The following LRRC37B variants were observed in gnomAD, a reference collection of about 807,000 sequenced individuals.
LRRC37B encodes leucine-rich repeat-containing protein 37B.
A neutral mutation model predicts 98.3 loss-of-function variants in LRRC37B; 28 were observed. The ratio of observed to expected loss-of-function variants is 0.28; its 90% CI spans 0.21 to 0.39. The LOEUF is 0.39. LRRC37B is among the 10% of genes least tolerant of loss of function. The pLI is 1.00. For missense variants in LRRC37B, 938 were observed against 1,182.7 expected, an observed-to-expected ratio of 0.79 and a Z score of 3.03; for synonymous variants, 364 against 442.7, an observed-to-expected ratio of 0.82 and a Z score of 2.23.
At chr17:32,031,863 G>C (rs1462544144) in intron 5 of LRRC37B, among the ~76,000 whole-genome samples, 1 of 151,962 alleles carries the variant, frequency 6.6e-6, no homozygotes, top group Non-Finnish European at 1.5e-5. Context: ...AAAATTAGCT[G>C]GGCGTAGTGA....
chr17:32,033,663 C>G (rs1295803956), intron 5 of LRRC37B, among the ~76,000 whole-genome samples: 3 of 152,168 alleles, frequency 2.0e-5, no homozygotes, highest in Non-Finnish European at 1.5e-5. Context: ...TAGATGCTCA[C>G]TGTAAGAATT....
At chr17:32,049,505 A>T in intron 10 of LRRC37B, 111 bp downstream of exon 13, 1 of 1,179,094 alleles carries the variant, frequency 8.5e-7, no homozygotes, top group Non-Finnish European at 1.2e-6. Context: ...TGTCTTGGCC[A>T]TGTAACTTTG....
chr17:32,041,224 C>T (rs539253394), intron 7 of LRRC37B: 8 of 771,230 alleles, frequency 1.0e-5, no homozygotes, highest in Admixed American at 1.0e-4. Context: ...CTCGGAGAGC[C>T]TGAGCAGTCC....
intron 7 of LRRC37B, among the ~76,000 whole-genome samples, chr17:32,039,236 C>T (rs1193424447): frequency 6.6e-6 from 1 of 151,276 alleles, no homozygotes; most frequent in Non-Finnish European, 1.5e-5. Context: ...CTCGTTCTCC[C>T]AGAGTGCTGC....
Position 32,046,267 on chromosome 17 carries a change from A to G in LRRC37B, c.2323+449A>G, listed in dbSNP as rs548778963. ...GTTTTTACAGTTTTATAAGAGTAGA[A>G]GTGATGCTGTTTTATTTGAAGCCTG... On this transcript the variant is annotated intron_variant, in intron 8 of 11. Transcript: ENST00000327564. 7.0e-3 allele frequency among the ~76,000 whole-genome samples: 1,069 copies of G among 152,284 alleles called. 2 individuals carry two copies. Among genetic ancestry groups the G allele is most frequent in the African/African-American group, 0.024 (1,015 of 41,528 alleles).
chr17:32,051,818 A>T (rs4037410), intron 11 of LRRC37B: 2 of 152,254 alleles, frequency 1.3e-5, no homozygotes, highest in South Asian at 2.1e-4. Context: ...TCATGTCATG[A>T]ATTCATTTCT....
chr17:32,007,857 C>T, upstream of LRRC37B: 1 of 1,148,242 alleles, frequency 8.7e-7, no homozygotes, highest in Non-Finnish European at 1.1e-6. This position sits in a 1 kb window ranked among gnomAD's most constrained non-coding sequence, Gnocchi z 4.1. Flanking sequence ...CGCGCCGGCA[C>T]CAGCGCACGG....
chr17:32,040,427 G>A, intron 7 of LRRC37B: 1 of 543,366 alleles, frequency 1.8e-6, no homozygotes, highest in Non-Finnish European at 3.5e-6. Context: ...TCTGCGGCGG[G>A]AGGCAGCCTG....
rs1327765991 is a variant in LRRC37B, at chr17:32,021,793, A to G, written c.728A>G (p.Gln243Arg). 5.6e-6 allele frequency: 9 copies of G among 1,614,242 alleles called. No homozygotes were observed. Among genetic ancestry groups the G allele is most frequent in the Non-Finnish European group, 7.6e-6 (9 of 1,180,054 alleles). ...ATTCCACACCAATTATCCAAACCTC[A>G]GCGTCAGAAACAGACTTTGCCAGAT... is the stretch of plus-strand genomic sequence containing the variant. The change falls in exon 1 of 12, where the codon CAG (glutamine) becomes CGG (arginine). Residue 243 changes from glutamine (Q) to arginine (R), a missense_variant. Physicochemically the swap from Gln to Arg is conservative, Grantham distance 43. Around this residue, in one of 2 missense-constraint regions of LRRC37B, gnomAD observed 610 missense variants for 625.6 expected, o/e 0.98. Coordinates refer to ENST00000327564, the Ensembl canonical transcript of LRRC37B.
At chr17:32,015,939 C>T (rs1480291071) in intron 1 of LRRC37B, among the ~76,000 whole-genome samples, 1 of 152,176 alleles carries the variant, frequency 6.6e-6, no homozygotes, top group Non-Finnish European at 1.5e-5. Flanking sequence ...CATTTGAGCC[C>T]GGCCTTGAAA....
chr17:32,008,717 A>C (rs1463025931), intron 1 of LRRC37B, among the ~76,000 whole-genome samples: 1 of 152,150 alleles, frequency 6.6e-6, no homozygotes, highest in Non-Finnish European at 1.5e-5. Flanking sequence ...GGGGAACTTT[A>C]CCTGGTCCTG....
intron 5 of LRRC37B, 149 bp from the exon 9 acceptor site, chr17:32,034,761 C>T (rs988891614): frequency 1.1e-5 from 6 of 566,034 alleles, no homozygotes; most frequent in African/African-American, 1.9e-5. Flanking sequence ...AGGAATAGTG[C>T]TTTATGGAGT....
intron 7 of LRRC37B, chr17:32,040,466 A>G (rs1308124227): frequency 6.5e-6 from 4 of 616,948 alleles, no homozygotes; most frequent in East Asian, 3.4e-5. Flanking sequence ...AAGCAGTTCT[A>G]CAAGGCAAGC....
chr17:32,029,760 C>T (rs915690852), intron 3 of LRRC37B, among the ~76,000 whole-genome samples: 1 of 152,146 alleles, frequency 6.6e-6, no homozygotes, highest in African/African-American at 2.4e-5. Flanking sequence ...AGCTGAGGAG[C>T]CATCATGGGG....
At chr17:32,025,029 CGTTTTTTTTT>C (rs1254478498) in intron 2 of LRRC37B, among the ~76,000 whole-genome samples, 125 of 34,806 alleles carry the variant, frequency 3.6e-3, no homozygotes, top group South Asian at 0.011. Context: ...TTTTTTTCCT[CGTTTTTTTTT>C]TTTTTTTTTT....
At chr17:32,049,538 T>C in intron 10 of LRRC37B, 144 bp downstream of exon 13, 1 of 744,034 alleles carries the variant, frequency 1.3e-6, no homozygotes, top group Non-Finnish European at 2.2e-6. Flanking sequence ...ATCTCCCACT[T>C]TGCTCATGTA....
intron 5 of LRRC37B, among the ~76,000 whole-genome samples, chr17:32,032,362 C>T (rs2142249384): frequency 6.6e-6 from 1 of 152,110 alleles, no homozygotes; most frequent in Admixed American, 6.5e-5. Flanking sequence ...TTATGTTAAG[C>T]TATTGTGCAA....
chr17:32,038,124 C>T (rs1044110617), intron 7 of LRRC37B, among the ~76,000 whole-genome samples: 1 of 150,880 alleles, frequency 6.6e-6, no homozygotes, highest in Non-Finnish European at 1.5e-5. Context: ...GAGACTCCAT[C>T]TCAAACAAAA....
At chr17:32,010,576 G>A (rs1445335479) in intron 1 of LRRC37B, among the ~76,000 whole-genome samples, 2 of 152,174 alleles carry the variant, frequency 1.3e-5, no homozygotes, top group African/African-American at 2.4e-5. Flanking sequence ...TTCATACAAT[G>A]TGTAATGATC....
Sources: allele counts gnomAD v4.1 joint callset (sites outside exome capture counted in the v4.1 genomes callset), GRCh38; gene constraint gnomAD v4.1.1; regional missense constraint gnomAD v4.1.1; non-coding constraint Gnocchi (gnomAD v3.1); transcripts MANE v1.5; gene names NCBI Gene and HGNC (gene_info 2026-07-23, HGNC 2026-07-21).